Variants in PRR16 observed in about 807,000 individuals in gnomAD.
The protein encoded by PRR16 is proline rich 16, also known as protein Largen.
PRR16 carries 6 observed loss-of-function variants against 18.2 expected under a neutral mutation model. The ratio of observed to expected loss-of-function variants is 0.33; its 90% confidence interval spans 0.18 to 0.65. The LOEUF (loss-of-function observed/expected upper bound fraction) is 0.65, where lower values mean the gene tolerates loss of function less well. PRR16 is among the 30% of genes least tolerant of loss of function. The pLI is 0.74. For synonymous variants in PRR16, 151 were observed against 147.8 expected, an observed-to-expected ratio of 1.02 and a Z score of -0.16; for missense variants, 412 against 376.6, an observed-to-expected ratio of 1.09 and a Z score of -0.78.
chr5:120,773,961 G>A, the PRR16 span, among the ~76,000 whole-genome samples: 12 of 152,116 alleles, frequency 7.9e-5, no homozygotes, highest in East Asian at 3.9e-4. Flanking sequence ...TTGATATTCC[G>A]TAGCTTGCAG....
chr5:120,767,181 G>A, the PRR16 span, among the ~76,000 whole-genome samples: 8 of 151,946 alleles, frequency 5.3e-5, no homozygotes, highest in South Asian at 2.1e-4. Context: ...GTTAACATTC[G>A]CATTTGTGTT....
chr5:120,637,161 G>A (rs563439241), intron 1 of PRR16, among the ~76,000 whole-genome samples: 1 of 151,946 alleles, frequency 6.6e-6, no homozygotes, highest in African/African-American at 2.4e-5. Context: ...GCGATGAAAA[G>A]GGAACCATTT....
At chr5:120,643,290 A>T (rs983247945) in intron 1 of PRR16, among the ~76,000 whole-genome samples, 4 of 151,986 alleles carry the variant, frequency 2.6e-5, no homozygotes, top group Admixed American at 1.3e-4. Flanking sequence ...TTTTATTATG[A>T]GTTAAGTCGT....
chr5:120,497,161 G>A (rs1386575664), intron 1 of PRR16, among the ~76,000 whole-genome samples: 1 of 152,050 alleles, frequency 6.6e-6, no homozygotes, highest in East Asian at 1.9e-4. Context: ...GGACACTTAA[G>A]AAGAATGTGC....
intron 1 of PRR16, among the ~76,000 whole-genome samples, chr5:120,505,768 ATTATTTAGCATGTC>A (rs1750620799): frequency 6.6e-6 from 1 of 151,900 alleles, no homozygotes; most frequent in Middle Eastern, 3.2e-3. Flanking sequence ...ATTTTCATGA[ATTATTTAGCATGTC>A]TACTTTAAAC....
the PRR16 span, chr5:120,781,194 ATTC>A: frequency 6.6e-6 from 1 of 152,172 alleles, no homozygotes; most frequent in East Asian, 1.9e-4. Context: ...ACAGGAAAAT[ATTC>A]TTTTCTATCC....
At chr5:120,738,346 C>A in the PRR16 span, among the ~76,000 whole-genome samples, 1 of 151,756 alleles carries the variant, frequency 6.6e-6, no homozygotes, top group Admixed American at 6.6e-5. Context: ...AATAACCTGG[C>A]CAGCCTAGTA....
At chr5:120,786,979 A>ACT in the PRR16 span, among the ~76,000 whole-genome samples, 1 of 152,086 alleles carries the variant, frequency 6.6e-6, no homozygotes, top group South Asian at 2.1e-4. Context: ...AAAGTGAGTA[A>ACT]AACTTATATG....
At chr5:120,696,631 G>A in the PRR16 span, among the ~76,000 whole-genome samples, 1 of 152,172 alleles carries the variant, frequency 6.6e-6, no homozygotes, top group Non-Finnish European at 1.5e-5. Flanking sequence ...CAACAAAGTG[G>A]TTCTCTAGAG....
At chr5:120,772,158 T>C in the PRR16 span, among the ~76,000 whole-genome samples, 1 of 152,154 alleles carries the variant, frequency 6.6e-6, no homozygotes. Context: ...TAAATGAATC[T>C]TTTCAAATTT....
chr5:120,473,874 G>T (rs1012958327), intron 1 of PRR16, among the ~76,000 whole-genome samples: 1 of 152,136 alleles, frequency 6.6e-6, no homozygotes, highest in Admixed American at 6.5e-5. Flanking sequence ...GTGATGAGGA[G>T]GAAGTGCAAT....
the PRR16 span, among the ~76,000 whole-genome samples, chr5:120,782,520 C>T: frequency 2.6e-5 from 4 of 152,144 alleles, no homozygotes; most frequent in African/African-American, 9.7e-5. Context: ...GGATAAGTTC[C>T]TGGCTACCTA....
At chr5:120,620,156 A>G (rs1754641102) in intron 1 of PRR16, among the ~76,000 whole-genome samples, 1 of 152,188 alleles carries the variant, frequency 6.6e-6, no homozygotes, top group Non-Finnish European at 1.5e-5. Context: ...AAAGAAGACG[A>G]AAAATGCAGA....
In PRR16 at chr5:120,686,861, A is replaced by G. The variant is rs116602032; in HGVS notation, c.*152A>G. On this transcript the variant is annotated 3_prime_UTR_variant, in exon 2 of 2. Coordinates refer to ENST00000407149, the MANE Select transcript of PRR16 (RefSeq NM_001300783.2). ...AAAAATCACCTGGTAAGTATGCAGC[A>G]CATTGCTTATATCCTGGGTATGCAT... The G allele has an allele frequency of 3.9e-6, 2 of 515,496 alleles. No homozygotes were observed. Among genetic ancestry groups the G allele is most frequent in the South Asian group, 6.3e-5 (1 of 15,760 alleles). The allele number at this position is 515,496 out of a possible 1,614,324, so 31.9% of individuals were successfully genotyped here.
At chr5:120,730,639 TA>T in the PRR16 span, among the ~76,000 whole-genome samples, 1 of 152,008 alleles carries the variant, frequency 6.6e-6, no homozygotes, top group Non-Finnish European at 1.5e-5. Context: ...GTAAGCAGTG[TA>T]AAAAAGAAAA....
the PRR16 span, among the ~76,000 whole-genome samples, chr5:120,720,084 G>C: frequency 1.3e-5 from 2 of 151,816 alleles, no homozygotes; most frequent in African/African-American, 2.4e-5. Flanking sequence ...TTATTTTATT[G>C]ATATTTCATT....
intron 1 of PRR16, among the ~76,000 whole-genome samples, chr5:120,573,734 A>G (rs369776964): frequency 6.6e-6 from 1 of 152,176 alleles, no homozygotes; most frequent in East Asian, 1.9e-4. Context: ...TTAGTACTCA[A>G]AATGTCTGCA....
intron 1 of PRR16, among the ~76,000 whole-genome samples, chr5:120,668,351 T>C (rs1394201407): frequency 6.6e-6 from 1 of 150,800 alleles, no homozygotes; most frequent in Non-Finnish European, 1.5e-5. Context: ...TGTGTGTCTC[T>C]GCATGTGAGA....
At chr5:120,618,405 G>A (rs902306601) in intron 1 of PRR16, 2 of 896,088 alleles carry the variant, frequency 2.2e-6, no homozygotes, top group South Asian at 5.2e-5. Flanking sequence ...ACTATTTTTA[G>A]TTTTGAGATT....
Sources: gnomAD v4.1 joint callset for allele counts (sites outside exome capture counted in the v4.1 genomes callset) on GRCh38, gnomAD v4.1.1 for gene constraint, MANE v1.5 for transcripts, NCBI Gene and HGNC (gene_info 2026-07-23, HGNC 2026-07-21) for gene names.